Variants in PRICKLE2 observed in about 807,000 individuals in gnomAD.
PRICKLE2 encodes the protein prickle-like protein 2.
PRICKLE2 carries 21 observed loss-of-function variants against 81.4 expected under a neutral mutation model. That is an observed-to-expected ratio of 0.26 (90% CI 0.18 to 0.37). The LOEUF (loss-of-function observed/expected upper bound fraction) is 0.37, where lower values mean the gene tolerates loss of function less well. Among genes scored for constraint, PRICKLE2 ranks in the 10% least tolerant of loss-of-function variants. The probability of loss-of-function intolerance (pLI) is 1.00; values close to 1 mark genes in which losing one functional copy is unlikely to be tolerated. For missense variants in PRICKLE2, 940 were observed against 1,109.0 expected (o/e 0.85, Z 2.16); for synonymous variants, 456 against 421.5 (o/e 1.08, Z -1.00).
intron 2 of PRICKLE2, among the ~76,000 whole-genome samples, chr3:64,238,144 G>T (rs1211276688): frequency 1.3e-5 from 2 of 152,224 alleles, no homozygotes; most frequent in Non-Finnish European, 2.9e-5. Flanking sequence ...CAGTTGAAAT[G>T]AACAGAAGAG....
At chr3:64,245,957 A>G (rs186966405) in intron 2 of PRICKLE2, among the ~76,000 whole-genome samples, 14 of 152,328 alleles carry the variant, frequency 9.2e-5, no homozygotes, top group Admixed American at 2.0e-4. Flanking sequence ...AATATCATTT[A>G]AAAACCACTG....
intron 2 of PRICKLE2, among the ~76,000 whole-genome samples, chr3:64,164,214 TA>T (rs1398453049): frequency 6.6e-6 from 1 of 152,006 alleles, no homozygotes; most frequent in Non-Finnish European, 1.5e-5. Flanking sequence ...CCGCCTCTAC[TA>T]AAAGTACAAA....
At chr3:64,205,186 A>G (rs1367342386) in intron 1 of PRICKLE2, among the ~76,000 whole-genome samples, 5 of 151,822 alleles carry the variant, frequency 3.3e-5, no homozygotes, top group Non-Finnish European at 7.4e-5. Flanking sequence ...GGGTTTGTGA[A>G]TGACAGGTTT....
intron 2 of PRICKLE2, among the ~76,000 whole-genome samples, chr3:64,168,986 AT>A (rs113742809): frequency 0.012 from 1,814 of 150,142 alleles, 49 homozygotes; most frequent in Admixed American, 0.07. Context: ...AGCCATATCC[AT>A]TTTTTTTTTC....
Position 64,234,204 on chromosome 3 carries a change from G to A in PRICKLE2, c.129-35237C>T, listed in dbSNP as rs535012295. On this transcript the variant is annotated intron_variant, in intron 2 of 8. Coordinates refer to the PRICKLE2 transcript ENST00000295902. ...TATCTAGTAGTGGGATTGCTGGGTC[G>A]TATAACTCTAGGTTTAACATTTCAT... Among the ~76,000 whole-genome samples the A allele has an allele frequency of 1.6e-4, 25 of 152,092 alleles. No homozygotes were observed. The South Asian group carries it at 4.8e-3, about 29-fold the overall frequency.
At chr3:64,173,886 C>T (rs570540765) in intron 2 of PRICKLE2, among the ~76,000 whole-genome samples, 1 of 152,304 alleles carries the variant, frequency 6.6e-6, no homozygotes, top group East Asian at 1.9e-4. Context: ...CTTTTCTTTT[C>T]TCCCTCCTGT....
intron 2 of PRICKLE2, among the ~76,000 whole-genome samples, chr3:64,238,644 TG>T: frequency 6.6e-6 from 1 of 152,292 alleles, no homozygotes; most frequent in Admixed American, 6.5e-5. Context: ...TAACAGGCAC[TG>T]TGTCAGGCAG....
chr3:64,256,913 T>C (rs1476517572), intron 2 of PRICKLE2, among the ~76,000 whole-genome samples: 2 of 152,152 alleles, frequency 1.3e-5, no homozygotes, highest in East Asian at 3.9e-4. Context: ...TGGATATGAG[T>C]CTTTTTTGGC....
intron 7 of PRICKLE2, among the ~76,000 whole-genome samples, chr3:64,116,221 C>T (rs181911337): frequency 3.3e-4 from 51 of 152,260 alleles, no homozygotes; most frequent in Middle Eastern, 6.8e-3. Context: ...ACTTATAGCA[C>T]TGAAATGTTC....
chr3:64,169,064 G>T (rs1243655561), intron 2 of PRICKLE2, among the ~76,000 whole-genome samples: 1 of 152,034 alleles, frequency 6.6e-6, no homozygotes, highest in Non-Finnish European at 1.5e-5. Flanking sequence ...TATTTCTGCA[G>T]CTCCTTAGTA....
chr3:64,233,671 C>T (rs2079137945), intron 2 of PRICKLE2, among the ~76,000 whole-genome samples: 1 of 152,174 alleles, frequency 6.6e-6, no homozygotes, highest in South Asian at 2.1e-4. Flanking sequence ...TTATTTTTCT[C>T]CTTAGATCCT....
At chr3:64,237,674 T>A (rs1262185835) in intron 2 of PRICKLE2, among the ~76,000 whole-genome samples, 1 of 152,108 alleles carries the variant, frequency 6.6e-6, no homozygotes, top group Non-Finnish European at 1.5e-5. Context: ...GGAATGCATG[T>A]TCTCACTTTG....
At chr3:64,220,440 T>G (rs1030677926) in intron 1 of PRICKLE2, among the ~76,000 whole-genome samples, 11 of 151,132 alleles carry the variant, frequency 7.3e-5, no homozygotes, top group African/African-American at 2.7e-4. Flanking sequence ...GGGTGCTGGG[T>G]TGGAAAACAT....
rs527303317 is a variant in PRICKLE2 at position 64,213,170 on chromosome 3, G to C, written c.-41+11740C>G. 4.7e-5 allele frequency among the ~76,000 whole-genome samples: 7 copies of C among 150,364 alleles called. No homozygotes were observed. The South Asian group carries it at 1.5e-3, about 32-fold the overall frequency. On this transcript the variant is annotated intron_variant, in intron 1 of 7. Coordinates refer to ENST00000638394, the MANE Select transcript of PRICKLE2 (RefSeq NM_198859.4). ...CGGCTCACTGCAACCTCCGCTTCCC[G>C]GGTTCAAGCAATTCTCCTGCCTCAG...
intron 1 of PRICKLE2, among the ~76,000 whole-genome samples, chr3:64,208,996 T>A (rs1191019508): frequency 6.6e-6 from 1 of 151,426 alleles, no homozygotes; most frequent in Non-Finnish European, 1.5e-5. Flanking sequence ...ATCTATCTAT[T>A]CATTCATATC....
At chr3:64,209,905 T>C (rs1191996650) in intron 1 of PRICKLE2, among the ~76,000 whole-genome samples, 1 of 152,144 alleles carries the variant, frequency 6.6e-6, no homozygotes, top group Non-Finnish European at 1.5e-5. Context: ...ATTTGAGTTG[T>C]GATGAGAAGA....
intron 1 of PRICKLE2, among the ~76,000 whole-genome samples, chr3:64,201,455 T>G (rs2078577719): frequency 6.6e-6 from 1 of 152,202 alleles, no homozygotes; most frequent in Non-Finnish European, 1.5e-5. Flanking sequence ...TATAAAACAG[T>G]ATTTAATTGT....
At position 64,153,377 on chromosome 3, in the gene PRICKLE2, G is replaced by T. The variant is rs1175029480; in HGVS notation, c.601-9C>A. 6.2e-7 allele frequency: 1 copy of T among 1,613,736 alleles called. No homozygotes were observed. The highest frequency in any genetic ancestry group is 1.1e-5 in the South Asian group (1 of 91,060). The stretch of plus-strand genomic sequence containing the variant: ...TCATCTGCAAAGATGATCTGGAGAT[G>T]GGGAAGCCAAATGGTCAGTGTGTAA... On this transcript the variant is annotated splice_polypyrimidine_tract_variant and intron_variant, in intron 5 of 7. Coordinates refer to ENST00000638394, the MANE Select transcript of PRICKLE2 (RefSeq NM_198859.4).
intron 2 of PRICKLE2, among the ~76,000 whole-genome samples, chr3:64,187,131 C>T (rs1196267285): frequency 6.6e-6 from 1 of 152,226 alleles, no homozygotes; most frequent in Non-Finnish European, 1.5e-5. Flanking sequence ...CTGGTGGAAT[C>T]TGGCCGTGTT....
Sources: allele counts gnomAD v4.1 joint callset (sites outside exome capture counted in the v4.1 genomes callset), GRCh38; gene constraint gnomAD v4.1.1; transcripts MANE v1.5; gene names NCBI Gene and HGNC (gene_info 2026-07-23, HGNC 2026-07-21).